Variants in LYRM7 observed in about 807,000 individuals in gnomAD.
The protein encoded by LYRM7 is complex III assembly factor LYRM7.
In LYRM7, 9 loss-of-function variants were observed where a neutral mutation model predicts 15.8. The ratio of observed to expected loss-of-function variants is 0.57; its 90% CI spans 0.34 to 0.99. LYRM7 has a LOEUF of 0.99. Ranked by LOEUF, LYRM7 falls within the 50% of genes least tolerant of loss-of-function variation. The pLI, the probability that LYRM7 is intolerant of heterozygous loss-of-function variation, is 0.02. For missense variants in LYRM7, 115 were observed against 119.1 expected (o/e 0.97, Z 0.16); for synonymous variants, 39 against 39.4 (o/e 0.99, Z 0.04).
chr5:131,197,184 T>G (rs1323358824), intron 4 of LYRM7, among the ~76,000 whole-genome samples: 1 of 152,214 alleles, frequency 6.6e-6, no homozygotes. Flanking sequence ...ATTGTGAGTT[T>G]CTGGAAGCTG....
chr5:131,171,086 T>G, intron 1 of LYRM7, 48 bp downstream of exon 1: 1 of 1,485,264 alleles, frequency 6.7e-7, no homozygotes, highest in Non-Finnish European at 8.9e-7. Context: ...GGGGAGGGTA[T>G]GTTCGCGTCC....
chr5:131,180,228 T>G, intron 2 of LYRM7, 61 bp downstream of exon 2: 3 of 1,175,076 alleles, frequency 2.6e-6, no homozygotes, highest in Non-Finnish European at 3.8e-6. Context: ...CTAATCTCTC[T>G]GAGAAACCCT....
intron 4 of LYRM7, among the ~76,000 whole-genome samples, chr5:131,197,451 C>T (rs1249444231): frequency 6.6e-6 from 1 of 151,554 alleles, no homozygotes; most frequent in Non-Finnish European, 1.5e-5. Flanking sequence ...CTAATAAGAG[C>T]ACTATTCTTA....
In LYRM7 at chr5:131,198,613, A is replaced by T. The variant is rs1397184190; in HGVS notation, c.245-918A>T. Among the ~76,000 whole-genome samples the T allele has an allele frequency of 4.6e-5, 7 of 151,928 alleles. No homozygotes were observed. The East Asian group carries it at 1.4e-3, about 29-fold the overall frequency. ...ACTGCCACTGTGTCCCCCAGGCTGG[A>T]GTGCAGTGGCACCATCTCGGCTCAC... On this transcript the variant is annotated intron_variant, in intron 4 of 4. Coordinates refer to ENST00000379380, the MANE Select transcript of LYRM7 (RefSeq NM_181705.4).
chr5:131,192,984 C>T (rs993141855), intron 4 of LYRM7, among the ~76,000 whole-genome samples: 1 of 152,044 alleles, frequency 6.6e-6, no homozygotes, highest in African/African-American at 2.4e-5. Flanking sequence ...CCCAAGAAAA[C>T]CCAGGACTTC....
At chr5:131,173,851 T>C (rs1325243575) in intron 1 of LYRM7, among the ~76,000 whole-genome samples, 1 of 152,256 alleles carries the variant, frequency 6.6e-6, no homozygotes, top group Non-Finnish European at 1.5e-5. Context: ...GTAATCTTTT[T>C]GCTGATGAAA....
chr5:131,173,843 A>T (rs556101151), intron 1 of LYRM7, among the ~76,000 whole-genome samples: 75 of 152,354 alleles, frequency 4.9e-4, no homozygotes, highest in Non-Finnish European at 9.0e-4. Flanking sequence ...AGAAAGTTGT[A>T]ATCTTTTTGC....
At chr5:131,191,764 G>A (rs1755889100) in intron 4 of LYRM7, among the ~76,000 whole-genome samples, 1 of 152,100 alleles carries the variant, frequency 6.6e-6, no homozygotes, top group African/African-American at 2.4e-5. Context: ...CAAGGATGTG[G>A]AGAAAGGAGA....
At chr5:131,186,997 A>G in intron 3 of LYRM7, 31 bp from the exon 4 acceptor site, 2 of 1,223,578 alleles carry the variant, frequency 1.6e-6, no homozygotes, top group Middle Eastern at 2.0e-4. Context: ...CACCTAAAGG[A>G]CTTACTCTAT....
intron 3 of LYRM7, among the ~76,000 whole-genome samples, chr5:131,184,674 T>A (rs544179595): frequency 2.0e-5 from 3 of 149,790 alleles, no homozygotes; most frequent in South Asian, 4.2e-4. Context: ...GCAGACCACC[T>A]CCTCCTCATC....
intron 1 of LYRM7, among the ~76,000 whole-genome samples, chr5:131,179,473 C>CA (rs1561543563): frequency 2.3e-4 from 17 of 73,172 alleles, no homozygotes; most frequent in African/African-American, 8.6e-4. Flanking sequence ...TTTTTTTTTT[C>CA]TTTTTTTTTT....
At chr5:131,185,464 T>C (rs1301972162) in intron 3 of LYRM7, among the ~76,000 whole-genome samples, 3 of 152,258 alleles carry the variant, frequency 2.0e-5, no homozygotes, top group Non-Finnish European at 4.4e-5. Flanking sequence ...TGAACTTTAA[T>C]TGATATTTCC....
chr5:131,180,741 A>T (rs576847338), intron 2 of LYRM7, among the ~76,000 whole-genome samples: 62 of 152,316 alleles, frequency 4.1e-4, no homozygotes, highest in African/African-American at 1.3e-3. Context: ...AAGTTTTTGT[A>T]ACTCATCAAA....
In LYRM7 at chr5:131,180,129, G is replaced by A; in HGVS notation, c.53G>A (p.Arg18Lys). ...LQLFKTLHRT[R>K]QQVFKNDARA... ...CTCTTTAAAACACTGCACAGGACCA[G>A]ACAACAAGTTTTTAAAAATGATGCC... is the stretch of plus-strand genomic sequence containing the variant. Residue 18 changes from arginine to lysine, a missense_variant, in exon 2 of 5, where the codon AGA (arginine) becomes AAA (lysine). Transcript: ENST00000379380. The A allele has an allele frequency of 6.2e-7, 1 of 1,613,040 alleles. No homozygotes were observed. The highest frequency in any genetic ancestry group is 8.5e-7 in the Non-Finnish European group (1 of 1,179,338).
chr5:131,181,451 T>A (rs955315598), intron 2 of LYRM7, among the ~76,000 whole-genome samples: 1 of 126,272 alleles, frequency 7.9e-6, no homozygotes, highest in Admixed American at 8.8e-5. Flanking sequence ...TATATATATA[T>A]AAAACATATA....
At chr5:131,188,205 C>T (rs1383032548) in intron 4 of LYRM7, among the ~76,000 whole-genome samples, 3 of 151,876 alleles carry the variant, frequency 2.0e-5, no homozygotes, top group South Asian at 2.1e-4. Flanking sequence ...CTTAATGAGC[C>T]GCGAGTATGC....
In LYRM7 at chr5:131,204,626, A is replaced by C. The variant is rs569726978; in HGVS notation, c.*5025A>C. 1 of 151,864 alleles carries C rather than the reference A, an allele frequency of 6.6e-6. No homozygotes were observed. Among genetic ancestry groups the C allele is most frequent in the South Asian group, 2.1e-4 (1 of 4,786 alleles). 9.4% of individuals were successfully genotyped at this position (151,864 alleles called of 1,614,324 possible). A position where few individuals can be genotyped will look rare whatever the true frequency, so the allele number is the denominator to read the frequency against. ...GGCCACTGGAAGATTTCAGATTTTC[A>C]GATTTGGAGTGCTCAACCAGTAAGT... On this transcript the variant is annotated 3_prime_UTR_variant, in exon 5 of 5. Transcript: ENST00000379380.
Position 131,181,318 on chromosome 5 carries a change from C to CAT in LYRM7, c.92-910_92-909insTA, listed in dbSNP as rs1394202144. ...AAAAAAAAAAATATATATATATATA[C>CAT]ACACACACACACATATATATAACAT... is the stretch of plus-strand genomic sequence containing the variant. On this transcript the variant is annotated intron_variant, in intron 2 of 4. Transcript: ENST00000379380. Among the ~76,000 whole-genome samples, 4 of 34,282 alleles carry CAT rather than the reference C, an allele frequency of 1.2e-4. 1 individual carries two copies. The highest frequency in any genetic ancestry group is 4.5e-4 in the African/African-American group (4 of 8,918). The allele number at this position is 34,282 out of a possible 152,430, so 22.5% of individuals were successfully genotyped here. A position where few individuals can be genotyped will look rare whatever the true frequency, so the allele number is the denominator to read the frequency against.
rs2149668170 is a variant in LYRM7, at chr5:131,202,454, A to C, written c.*2853A>C. 1 of 152,342 alleles carries C rather than the reference A, an allele frequency of 6.6e-6. No individual in the cohort carries two copies. The highest frequency in any genetic ancestry group is 1.9e-4 in the East Asian group (1 of 5,178). The allele number at this position is 152,342 out of a possible 1,614,324, so 9.4% of individuals were successfully genotyped here. A position where few individuals can be genotyped will look rare whatever the true frequency, so the allele number is the denominator to read the frequency against. On this transcript the variant is annotated 3_prime_UTR_variant, in exon 5 of 5. Coordinates refer to ENST00000379380, the MANE Select transcript of LYRM7 (RefSeq NM_181705.4). ...GGTTGTGGTGAGCTAAGATTGTGCC[A>C]CTGCACTCCAGCCTGAGAGAACAAG...
Sources: gnomAD v4.1 joint callset for allele counts (sites outside exome capture counted in the v4.1 genomes callset) on GRCh38, gnomAD v4.1.1 for gene constraint, MANE v1.5 for transcripts, NCBI Gene and HGNC (gene_info 2026-07-23, HGNC 2026-07-21) for gene names.